Variants in AXDND1 observed in about 807,000 individuals in gnomAD.
AXDND1 encodes the protein axonemal dynein light chain domain-containing protein 1.
Under a neutral mutation model 137.5 loss-of-function variants are expected in AXDND1, and 110 were observed. That is an observed-to-expected ratio of 0.80 (90% CI 0.69 to 0.94). The LOEUF (loss-of-function observed/expected upper bound fraction) is 0.94, where lower values mean the gene tolerates loss of function less well. Ranked by LOEUF, AXDND1 falls within the 40% of genes least tolerant of loss-of-function variation. The pLI is 0.00. For synonymous variants in AXDND1, 414 were observed against 399.7 expected, an observed-to-expected ratio of 1.04 and a Z score of -0.43; for missense variants, 1,191 against 1,169.8, an observed-to-expected ratio of 1.02 and a Z score of -0.26.
chr1:179,433,652 T>C (rs958658924), intron 15 of AXDND1, among the ~76,000 whole-genome samples: 1 of 152,250 alleles, frequency 6.6e-6, no homozygotes, highest in Non-Finnish European at 1.5e-5. Flanking sequence ...GGTTGTTCAA[T>C]TTCCATGCAG....
intron 14 of AXDND1, 23 bp from the exon 15 acceptor site, chr1:179,432,244 C>CTT: frequency 4.0e-5 from 53 of 1,320,554 alleles, no homozygotes; most frequent in Admixed American, 1.5e-4. Flanking sequence ...AGATGTTTCT[C>CTT]TTTTTTTTTT....
At chr1:179,503,246 A>C (rs1668200500) in intron 20 of AXDND1, among the ~76,000 whole-genome samples, 1 of 152,284 alleles carries the variant, frequency 6.6e-6, no homozygotes, top group Admixed American at 6.5e-5. Flanking sequence ...TTTAAACTGC[A>C]TATGTGTATT....
At chr1:179,511,272 A>G (rs1475857183) in intron 21 of AXDND1, among the ~76,000 whole-genome samples, 11 of 151,794 alleles carry the variant, frequency 7.2e-5, no homozygotes, top group Non-Finnish European at 1.5e-5. Flanking sequence ...ATACATATAT[A>G]ATATGGTAGT....
At chr1:179,518,160 G>T (rs766794748) in intron 21 of AXDND1, among the ~76,000 whole-genome samples, 1 of 152,078 alleles carries the variant, frequency 6.6e-6, no homozygotes, top group African/African-American at 2.4e-5. Flanking sequence ...ATGTCTCCTC[G>T]TAGCTTTAGC....
At chr1:179,537,812 C>T (rs1671705436) in intron 25 of AXDND1, among the ~76,000 whole-genome samples, 1 of 152,086 alleles carries the variant, frequency 6.6e-6, no homozygotes, top group Non-Finnish European at 1.5e-5. Flanking sequence ...GCTGTGAATC[C>T]ATCTGGTCCT....
At chr1:179,422,465 CAAG>C (rs1322174735) in intron 12 of AXDND1, among the ~76,000 whole-genome samples, 6 of 152,108 alleles carry the variant, frequency 3.9e-5, no homozygotes, top group African/African-American at 1.2e-4. Context: ...TTATTGATTT[CAAG>C]TTTTATTCCA....
At chr1:179,377,810 T>C (rs935199479) in intron 4 of AXDND1, among the ~76,000 whole-genome samples, 1 of 152,146 alleles carries the variant, frequency 6.6e-6, no homozygotes, top group Admixed American at 6.5e-5. Context: ...AGGACAATTT[T>C]AGGAAGTTTG....
At chr1:179,456,043 T>A (rs953550924) in intron 16 of AXDND1, 5 of 431,388 alleles carry the variant, frequency 1.2e-5, no homozygotes, top group Non-Finnish European at 2.3e-5. Flanking sequence ...ATAGAGTTAG[T>A]CACAAATAAC....
chr1:179,518,106 C>G (rs1332973904), intron 21 of AXDND1, among the ~76,000 whole-genome samples: 1 of 152,238 alleles, frequency 6.6e-6, no homozygotes, highest in African/African-American at 2.4e-5. Flanking sequence ...TTGGTGAGCA[C>G]TGAGTATTAG....
intron 25 of AXDND1, among the ~76,000 whole-genome samples, chr1:179,547,516 A>G (rs1161074146): frequency 6.6e-6 from 1 of 152,192 alleles, no homozygotes; most frequent in South Asian, 2.1e-4. Flanking sequence ...GAAGTGCCCT[A>G]AGCAGTCCCA....
chr1:179,383,327 C>T (rs1648683997), intron 7 of AXDND1, 115 bp from the exon 8 acceptor site: 2 of 724,496 alleles, frequency 2.8e-6, no homozygotes, highest in South Asian at 2.0e-5. Context: ...CTTAAAATGC[C>T]ATTAATATCC....
intron 15 of AXDND1, among the ~76,000 whole-genome samples, chr1:179,440,661 G>T (rs1392957383): frequency 6.6e-6 from 1 of 152,192 alleles, no homozygotes. Context: ...CAATCAATTT[G>T]TCTGCTTCTC....
chr1:179,541,400 C>T (rs145730076), intron 25 of AXDND1, among the ~76,000 whole-genome samples: 3,712 of 152,164 alleles, frequency 0.024, 161 homozygotes, highest in African/African-American at 0.084. Context: ...AGAAATCACC[C>T]GTCTTCTGCA....
intron 20 of AXDND1, 34 bp from the exon 21 acceptor site, chr1:179,509,262 G>T (rs774973612): frequency 1.4e-6 from 2 of 1,435,442 alleles, no homozygotes; most frequent in East Asian, 4.6e-5. Context: ...AAATGAGCTG[G>T]TTTTTCTGCT....
At chr1:179,508,640 A>C (rs1214308322) in intron 20 of AXDND1, among the ~76,000 whole-genome samples, 3 of 152,198 alleles carry the variant, frequency 2.0e-5, no homozygotes, top group African/African-American at 7.2e-5. Flanking sequence ...CCATATCTCA[A>C]TAGATAAAAG....
At chr1:179,538,929 C>T (rs1014118503) in intron 25 of AXDND1, among the ~76,000 whole-genome samples, 2 of 151,706 alleles carry the variant, frequency 1.3e-5, no homozygotes, top group Non-Finnish European at 3.0e-5. Context: ...TTGCATTGAT[C>T]CCTTTACCAT....
At position 179,470,952 on chromosome 1, in the gene AXDND1, A is replaced by G. The variant is rs539760139; in HGVS notation, c.1997+2311A>G. 2.6e-4 allele frequency among the ~76,000 whole-genome samples: 40 copies of G among 152,218 alleles called. 1 individual carries two copies. Among genetic ancestry groups the G allele is most frequent in the South Asian group, 1.2e-3 (6 of 4,824 alleles). ...TTCCTAATTTGTTGCATGCTTTTAC[A>G]TAAAAAAGTTGTTGGATTTTGACAA... On this transcript the variant is annotated intron_variant, in intron 17 of 25. Transcript: ENST00000367618.
intron 20 of AXDND1, among the ~76,000 whole-genome samples, chr1:179,508,999 T>G (rs965680356): frequency 6.6e-6 from 1 of 152,154 alleles, no homozygotes; most frequent in African/African-American, 2.4e-5. Context: ...TGCATAAAAT[T>G]TATTAGGAGG....
At chr1:179,426,087 G>A (rs1194853239) in intron 12 of AXDND1, among the ~76,000 whole-genome samples, 3 of 152,056 alleles carry the variant, frequency 2.0e-5, no homozygotes, top group African/African-American at 4.8e-5. Context: ...TGCCTGCCTC[G>A]ACCTCCCAAA....
Sources: gnomAD v4.1 joint callset for allele counts (sites outside exome capture counted in the v4.1 genomes callset) on GRCh38, gnomAD v4.1.1 for gene constraint, MANE v1.5 for transcripts, NCBI Gene and HGNC (gene_info 2026-07-23, HGNC 2026-07-21) for gene names.